Variants in TBL3 observed in about 807,000 individuals in gnomAD.
The protein encoded by TBL3 is transducin beta like 3, also known as transducin beta-like protein 3.
A neutral mutation model predicts 102.7 loss-of-function variants in TBL3; 71 were observed. That is an observed-to-expected ratio of 0.69 (90% CI 0.57 to 0.84). The LOEUF (loss-of-function observed/expected upper bound fraction) is 0.84, where lower values mean the gene tolerates loss of function less well. Among genes scored for constraint, TBL3 ranks in the 40% least tolerant of loss-of-function variants. The pLI is 0.00. For synonymous variants in TBL3, 578 were observed against 477.7 expected, an observed-to-expected ratio of 1.21 and a Z score of -2.74; for missense variants, 1,188 against 1,098.5, an observed-to-expected ratio of 1.08 and a Z score of -1.15.
In TBL3 at chr16:1,979,682, G is replaced by A; in HGVS notation, c.*997G>A. 1 of 1,186,186 alleles carries A rather than the reference G, an allele frequency of 8.4e-7. No individual in the cohort carries two copies. The highest frequency in any genetic ancestry group is 1.2e-6 in the Non-Finnish European group (1 of 853,032). 73.5% of individuals were successfully genotyped at this position (1,186,186 alleles called of 1,614,324 possible). On this transcript the variant is annotated 3_prime_UTR_variant, in exon 22 of 22. Coordinates refer to ENST00000568546, the MANE Select transcript of TBL3 (RefSeq NM_006453.3). ...CGGTTCGGGGCTTCCTCTAGGTGCG[G>A]AGACCAAGCACGGGCTCCTGGCCCG...
chr16:1,972,375 C>T (rs2083367072), intron 1 of TBL3, among the ~76,000 whole-genome samples, 170 bp downstream of exon 1: 2 of 152,198 alleles, frequency 1.3e-5, no homozygotes, highest in Non-Finnish European at 2.9e-5. Flanking sequence ...GAGAGCCGGC[C>T]CCGGCTGCTC....
chr16:1,978,636 C>T lies in TBL3; in HGVS notation c.2378C>T (p.Pro793Leu), dbSNP rs772344048. Residue 793 changes from proline to leucine, a missense_variant, in exon 22 of 22, where the codon CCG becomes CTG. Pro to Leu is a moderately conservative substitution (Grantham distance 98, BLOSUM62 -3). Coordinates refer to ENST00000568546, the MANE Select transcript of TBL3 (RefSeq NM_006453.3). ...TGGCACAACATGAAGCTCCCTGTGC[C>T]GGCCGCCGCCCCCACCCCCTGGGAA... is the stretch of plus-strand genomic sequence containing the variant. ...FLWHNMKLPV[P>L]AAAPTPWETH... is the part of the protein sequence containing the mutation. 74 of 1,612,534 alleles carry T rather than the reference C, an allele frequency of 4.6e-5. No homozygotes were observed. Among genetic ancestry groups the T allele is most frequent in the East Asian group, 4.0e-4 (18 of 44,872 alleles).
intron 10 of TBL3, 28 bp from the exon 11 acceptor site, chr16:1,975,779 CA>C (rs771843417): frequency 1.5e-5 from 25 of 1,613,904 alleles, no homozygotes; most frequent in Non-Finnish European, 2.1e-5. Context: ...GGTCCTGGCT[CA>C]CATCTCCTGC....
Position 1,977,275 on chromosome 16 carries a change from C to T in TBL3, c.1662C>T (p.Ser554=), listed in dbSNP as rs2083410739. ...AGCTCTGGGCACTCCAGGACTTCAG[C>T]TGTCTCAAGGTAAGTGGCGCTCCAG... The part of the protein sequence containing the change: ...TIKLWALQDF[S]CLKTFEGHDA... The change falls in exon 15 of 22, where the codon AGC becomes AGT. Residue 554 remains serine (S), a synonymous_variant. Coordinates refer to ENST00000568546, the MANE Select transcript of TBL3 (RefSeq NM_006453.3). 2 of 1,613,330 alleles carry T rather than the reference C, an allele frequency of 1.2e-6. No homozygotes were observed. The highest frequency in any genetic ancestry group is 1.7e-6 in the Non-Finnish European group (2 of 1,179,936).
chr16:1,980,269 C>G lies in TBL3; in HGVS notation c.*1584C>G. On this transcript the variant is annotated 3_prime_UTR_variant, in exon 22 of 22. Coordinates refer to ENST00000568546, the MANE Select transcript of TBL3 (RefSeq NM_006453.3). ...CACCCCGGCAAGACCGCCAGCCTCC[C>G]ACTCTCTGCCCCTATTCGCTGGCTG... 1.8e-5 allele frequency: 28 copies of G among 1,515,962 alleles called. No individual in the cohort carries two copies. The highest frequency in any genetic ancestry group is 2.4e-5 in the Non-Finnish European group (27 of 1,129,674). 93.9% of individuals were successfully genotyped at this position (1,515,962 alleles called of 1,614,324 possible). A position where few individuals can be genotyped will look rare whatever the true frequency, so the allele number is the denominator to read the frequency against.
In TBL3 at chr16:1,979,649, T is replaced by C. The variant is rs2083457418; in HGVS notation, c.*964T>C. 2.4e-6 allele frequency: 3 copies of C among 1,255,904 alleles called. No individual in the cohort carries two copies. Among genetic ancestry groups the C allele is most frequent in the Non-Finnish European group, 3.3e-6 (3 of 898,748 alleles). The allele number at this position is 1,255,904 out of a possible 1,614,324, so 77.8% of individuals were successfully genotyped here. Reference sequence around the variant, plus strand: ...TTGAGTCTGCTGACGGCGGGGCCGCTCTAAGACCGGTTCGGGGCTTCCTCT... The same window carrying C: ...TTGAGTCTGCTGACGGCGGGGCCGCCCTAAGACCGGTTCGGGGCTTCCTCT... On this transcript the variant is annotated 3_prime_UTR_variant, in exon 22 of 22. Transcript: ENST00000568546.
intron 1 of TBL3, among the ~76,000 whole-genome samples, 171 bp from the exon 2 acceptor site, chr16:1,973,885 A>G (rs937002381): frequency 2.6e-5 from 4 of 152,158 alleles, no homozygotes; most frequent in South Asian, 2.1e-4. Context: ...GACGGTAGCT[A>G]CAGCCCCCTG....
Position 1,979,789 on chromosome 16 carries a change from C to T in TBL3, c.*1104C>T. The stretch of plus-strand genomic sequence containing the variant: ...CGTGAGGGGTGGGGTTAGGCGCATA[C>T]CGCTGCTCCCTAGGGACGGGCCTCC... On this transcript the variant is annotated 3_prime_UTR_variant, in exon 22 of 22. Transcript: ENST00000568546. The T allele has an allele frequency of 1.3e-6, 2 of 1,542,512 alleles. No individual in the cohort carries two copies. Among genetic ancestry groups the T allele is most frequent in the Non-Finnish European group, 1.7e-6 (2 of 1,145,198 alleles).
At chr16:1,972,237 G>A (rs750476905) in intron 1 of TBL3, 32 bp downstream of exon 1, 1 of 1,328,874 alleles carries the variant, frequency 7.5e-7, no homozygotes, top group Non-Finnish European at 9.7e-7. Context: ...CGTGCGGGGA[G>A]GGAGCTGGGT....
At position 1,981,104 on chromosome 16, in the gene TBL3, C is replaced by G; in HGVS notation, c.*2419C>G. 6.2e-7 allele frequency: 1 copy of G among 1,613,064 alleles called. No homozygotes were observed. The highest frequency in any genetic ancestry group is 1.1e-5 in the South Asian group (1 of 91,082). On this transcript the variant is annotated 3_prime_UTR_variant, in exon 22 of 22. Transcript: ENST00000568546. ...CCCTTGGGGCCACTAAGGACCCAGC[C>G]AGGTCTTACTTGGAGCCTCTTGATC... is the stretch of plus-strand genomic sequence containing the variant.
rs765864101 is a variant in TBL3 at position 1,978,204 on chromosome 16, G to T, written c.2118G>T (p.Leu706=). ...CEKLEATMLR[L]RRDQKEALLR... ...AGCTGGAAGCCACCATGCTCCGACT[G>T]CGGCGCGACCAGAAAGGTTGGCGGC... Residue 706 remains leucine, a synonymous_variant, in exon 20 of 22, where the codon CTG becomes CTT. Transcript: ENST00000568546. 6.8e-6 allele frequency: 11 copies of T among 1,612,826 alleles called. No homozygotes were observed. The highest frequency in any genetic ancestry group is 8.5e-6 in the Non-Finnish European group (10 of 1,179,934).
chr16:1,974,271 C>A lies in TBL3; in HGVS notation c.168C>A (p.Ala56=), dbSNP rs141442868. 2 of 1,598,840 alleles carry A rather than the reference C, an allele frequency of 1.3e-6. No individual in the cohort carries two copies. The highest frequency in any genetic ancestry group is 1.7e-6 in the Non-Finnish European group (2 of 1,171,312). The change falls in exon 3 of 22, where the codon GCC becomes GCA. Residue 56 remains alanine (A), a synonymous_variant. Coordinates refer to ENST00000568546, the MANE Select transcript of TBL3 (RefSeq NM_006453.3). ...RVNILEVASG[A]VLRSLEQEDQ... ...ACATTCTGGAAGTGGCCTCGGGGGC[C>A]GTGCTGCGGAGTCTGGAGCAGGTGA...
intron 17 of TBL3, 21 bp from the exon 18 acceptor site, chr16:1,977,721 C>T (rs1253746978): frequency 2.6e-6 from 4 of 1,552,202 alleles, no homozygotes; most frequent in African/African-American, 1.4e-5. Flanking sequence ...GAGGCCCCAT[C>T]TGACCCTAGT....
rs756191537 is a variant in TBL3, at chr16:1,975,819, C to T, written c.999C>T (p.Tyr333=). ...SLRLQKQFAG[Y]SEEVLDVRFL... is the part of the protein sequence containing the mutation. ...CTGCCACCCCGCAGTTCGCTGGCTA[C>T]AGTGAGGAGGTTTTGGATGTCCGGT... is the stretch of plus-strand genomic sequence containing the variant. Residue 333 remains tyrosine (Y), a synonymous_variant, in exon 11 of 22, where the codon TAC becomes TAT. Transcript: ENST00000568546. The T allele has an allele frequency of 1.9e-6, 3 of 1,614,178 alleles. No individual in the cohort carries two copies. The highest frequency in any genetic ancestry group is 4.5e-5 in the East Asian group (2 of 44,884).
At chr16:1,973,992 C>T in intron 1 of TBL3, 64 bp from the exon 2 acceptor site, 13 of 1,467,246 alleles carry the variant, frequency 8.9e-6, no homozygotes, top group Non-Finnish European at 1.2e-5. Flanking sequence ...GCACCTAGCA[C>T]AGGGCGGGGC....
At position 1,979,199 on chromosome 16, in the gene TBL3, G is replaced by A. The variant is rs1185359058; in HGVS notation, c.*514G>A. 2.0e-6 allele frequency: 3 copies of A among 1,464,800 alleles called. No homozygotes were observed. Among genetic ancestry groups the A allele is most frequent in the Non-Finnish European group, 2.7e-6 (3 of 1,116,246 alleles). 90.7% of individuals were successfully genotyped at this position (1,464,800 alleles called of 1,614,324 possible). On this transcript the variant is annotated 3_prime_UTR_variant, in exon 22 of 22. Transcript: ENST00000568546. Reference sequence around the variant, plus strand: ...GCGAAGGTCGGGTGGGCACGGTGGGGGGAGGGGCGGTGGCCTGGGAGGGTT... The same window carrying A: ...GCGAAGGTCGGGTGGGCACGGTGGGAGGAGGGGCGGTGGCCTGGGAGGGTT...
chr16:1,979,513 C>T lies in TBL3; in HGVS notation c.*828C>T, dbSNP rs1264960922. 1 of 1,611,542 alleles carries T rather than the reference C, an allele frequency of 6.2e-7. No individual in the cohort carries two copies. ...GACAGCTCATCTGCGCGGCTGCTCT[C>T]GTAGGCGCGGGAAGCACAGAACTGG... is the stretch of plus-strand genomic sequence containing the variant. On this transcript the variant is annotated 3_prime_UTR_variant, in exon 22 of 22. Transcript: ENST00000568546.
chr16:1,978,574 C>G lies in TBL3; in HGVS notation c.2316C>G (p.Ser772Arg). The change falls in exon 22 of 22, where the codon AGC (serine) becomes AGG (arginine). Residue 772 changes from serine to arginine, a missense_variant. Coordinates refer to ENST00000568546, the MANE Select transcript of TBL3 (RefSeq NM_006453.3). ...PYTERHFQRLSRTLQAAAFLD... is the reference protein window; with the variant it reads ...PYTERHFQRLRRTLQAAAFLD... ...CAGAGCGGCACTTTCAGCGGCTCAG[C>G]AGGACCCTCCAGGCCGCCGCTTTCT... The G allele has an allele frequency of 6.2e-7, 1 of 1,612,020 alleles. No homozygotes were observed. Among genetic ancestry groups the G allele is most frequent in the Non-Finnish European group, 8.5e-7 (1 of 1,179,360 alleles).
chr16:1,975,004 T>A lies in TBL3; in HGVS notation c.541T>A (p.Ser181Thr). 1 of 1,607,464 alleles carries A rather than the reference T, an allele frequency of 6.2e-7. No homozygotes were observed. The highest frequency in any genetic ancestry group is 1.6e-4 in the Middle Eastern group (1 of 6,062). Residue 181 changes from serine to threonine, a missense_variant, in exon 7 of 22, where the codon TCA (serine) becomes ACA (threonine). By Grantham distance (58) the Ser-to-Thr change is moderately conservative. Transcript: ENST00000568546. ...SATDAAIRVW[S>T]LQDRSCLAVL... ...CACGGATGCCGCCATCCGCGTGTGG[T>A]CACTGCAGGACCGGTCATGCCTGGC... is the stretch of plus-strand genomic sequence containing the variant.
Sources: gnomAD v4.1 joint callset for allele counts (sites outside exome capture counted in the v4.1 genomes callset) on GRCh38, gnomAD v4.1.1 for gene constraint, MANE v1.5 for transcripts, NCBI Gene and HGNC (gene_info 2026-07-23, HGNC 2026-07-21) for gene names.